CENPE: variants seen among roughly 807,000 people sequenced by gnomAD.
The protein encoded by CENPE is centromere-associated protein E.
In CENPE, 145 loss-of-function variants were observed where a neutral mutation model predicts 336.1. The observed-to-expected ratio is 0.43, with a 90% CI of 0.38 to 0.50. CENPE has a LOEUF of 0.50. Among genes scored for constraint, CENPE ranks in the 20% least tolerant of loss-of-function variants. CENPE has a pLI of 0.00. For missense variants in CENPE, 2,719 were observed against 3,023.3 expected, an observed-to-expected ratio of 0.90 and a Z score of 2.36; for synonymous variants, 1,013 against 984.8, an observed-to-expected ratio of 1.03 and a Z score of -0.54.
At position 103,132,838 on chromosome 4, in the gene CENPE, T is replaced by C. The variant is rs752063990; in HGVS notation, c.6779A>G (p.Gln2260Arg). 58 of 1,572,406 alleles carry C rather than the reference T, an allele frequency of 3.7e-5. No individual in the cohort carries two copies. The highest frequency in any genetic ancestry group is 3.3e-4 in the Middle Eastern group (2 of 5,972). The change falls in exon 42 of 49, where the codon CAA (glutamine) becomes CGA (arginine). Residue 2260 changes from glutamine (Q) to arginine (R), a missense_variant. By Grantham distance (43) the Gln-to-Arg change is conservative. Transcript: ENST00000265148. ...EFPSIKTEFQ[Q>R]VLSNRKEMTQ... ...CATTTCTTTCCTATTACTTAGTACT[T>C]GTTGAAATTCAGTCTTTATGCTAGG...
intron 16 of CENPE, among the ~76,000 whole-genome samples, chr4:103,169,449 T>C (rs569868564): frequency 7.2e-5 from 11 of 152,120 alleles, no homozygotes; most frequent in Non-Finnish European, 1.5e-4. Flanking sequence ...TCAAATTCAA[T>C]CTAAATGACC....
At chr4:103,110,419 G>A (rs1483756308) in intron 47 of CENPE, among the ~76,000 whole-genome samples, 1 of 151,998 alleles carries the variant, frequency 6.6e-6, no homozygotes, top group East Asian at 1.9e-4. Context: ...AGAGTGCTTG[G>A]GGAAAAGATT....
Position 103,195,150 on chromosome 4 carries a change from T to C in CENPE, c.441A>G (p.Gln147=), listed in dbSNP as rs766397532. The change falls in exon 5 of 49, where the codon CAA becomes CAG. Residue 147 remains glutamine, a synonymous_variant. Coordinates refer to ENST00000265148, the MANE Select transcript of CENPE (RefSeq NM_001813.3). Reference sequence around the variant, plus strand: ...CTCGAATAATTAAAGGTTTCATTTTTTGAGTGCCACAGAGTAAATCTGTAA... The same window carrying C: ...CTCGAATAATTAAAGGTTTCATTTTCTGAGTGCCACAGAGTAAATCTGTAA... ...ETITDLLCGT[Q]KMKPLIIRED... 6.3e-7 allele frequency: 1 copy of C among 1,593,706 alleles called. No homozygotes were observed. The highest frequency in any genetic ancestry group is 2.3e-5 in the East Asian group (1 of 43,934).
chr4:103,186,776 G>T (rs1332750436), intron 8 of CENPE, among the ~76,000 whole-genome samples: 3 of 152,190 alleles, frequency 2.0e-5, no homozygotes, highest in Non-Finnish European at 2.9e-5. Context: ...GTAGCTTTAG[G>T]TTCATAGGAC....
At chr4:103,193,662 CTA>C (rs1757528296) in intron 8 of CENPE, among the ~76,000 whole-genome samples, 1 of 152,044 alleles carries the variant, frequency 6.6e-6, no homozygotes, top group Non-Finnish European at 1.5e-5. Flanking sequence ...TTCAGCAAAT[CTA>C]TATTAGACAT....
At position 103,140,043 on chromosome 4, in the gene CENPE, T is replaced by C; in HGVS notation, c.5950A>G (p.Arg1984Gly). 6.2e-7 allele frequency: 1 copy of C among 1,608,784 alleles called. No homozygotes were observed. Among genetic ancestry groups the C allele is most frequent in the Middle Eastern group, 1.7e-4 (1 of 5,954 alleles). ...ELQKKELQLL[R>G]VKEDVNMSHK... ...CTCATATTGACATCTTCTTTCACTC[T>C]AAGCAGTTGAAGTTCTTTTTTCTGA... The change falls in exon 38 of 49, where the codon AGA (arginine) becomes GGA (glycine). Residue 1984 changes from arginine (R) to glycine (G), a missense_variant. Arg to Gly is a moderately radical substitution (Grantham distance 125). Coordinates refer to ENST00000265148, the MANE Select transcript of CENPE (RefSeq NM_001813.3).
At chr4:103,192,730 G>C (rs1437990472) in intron 8 of CENPE, among the ~76,000 whole-genome samples, 1 of 152,084 alleles carries the variant, frequency 6.6e-6, no homozygotes, top group Non-Finnish European at 1.5e-5. Flanking sequence ...GAAGAAAATA[G>C]TTTCGTTTTA....
chr4:103,152,939 C>G (rs1053842940), intron 25 of CENPE, 108 bp downstream of exon 25: 1 of 792,504 alleles, frequency 1.3e-6, no homozygotes, highest in African/African-American at 1.8e-5. Context: ...CCATACACTT[C>G]CACCAGATAC....
Position 103,145,533 on chromosome 4 carries a change from A to T in CENPE, c.4562T>A (p.Leu1521Ter), listed in dbSNP as rs768853172. 1 of 1,601,538 alleles carries T rather than the reference A, an allele frequency of 6.2e-7. No homozygotes were observed. The highest frequency in any genetic ancestry group is 1.1e-5 in the South Asian group (1 of 87,568). The change falls in exon 31 of 49, where the codon TTA becomes TAA. Residue 1521 changes from leucine (L) to a stop codon, truncating the protein, a stop_gained. Coordinates refer to ENST00000265148, the MANE Select transcript of CENPE (RefSeq NM_001813.3). LOFTEE classifies it high-confidence loss of function. ...QKQLEAINDK[L>*]QNKIQEIYEK... is the part of the protein sequence containing the mutation. ...TCATCCCCAATTTACCTTGTTCTGTAATTTATCATTGATTGCTTCTAACTG... is the reference window on the plus strand; with the variant it reads ...TCATCCCCAATTTACCTTGTTCTGTTATTTATCATTGATTGCTTCTAACTG...
At chr4:103,171,391 A>G (rs1755397657) in intron 16 of CENPE, among the ~76,000 whole-genome samples, 1 of 152,106 alleles carries the variant, frequency 6.6e-6, no homozygotes, top group Non-Finnish European at 1.5e-5. Flanking sequence ...TTACAAATAC[A>G]TAAAAATTAA....
chr4:103,182,351 G>C (rs995654194), intron 11 of CENPE, among the ~76,000 whole-genome samples: 1 of 152,110 alleles, frequency 6.6e-6, no homozygotes, highest in Non-Finnish European at 1.5e-5. Context: ...TAGGCTCAGA[G>C]AAAATGAAGG....
intron 46 of CENPE, among the ~76,000 whole-genome samples, chr4:103,112,682 GTAAGTATATA>G (rs1445965756): frequency 2.4e-5 from 3 of 127,546 alleles, no homozygotes; most frequent in African/African-American, 6.3e-5. Flanking sequence ...ATATATACTT[GTAAGTATATA>G]TAAGTGTATA....
rs775219100 is a variant in CENPE at position 103,136,135 on chromosome 4, T to C, written c.6522+6A>G. The C allele has an allele frequency of 1.2e-6, 2 of 1,604,314 alleles. No individual in the cohort carries two copies. Among genetic ancestry groups the C allele is most frequent in the East Asian group, 2.2e-5 (1 of 44,754 alleles). ...TTTAAAAGGATATTACTAAAAAAGATGGTACCTTCAGTTTCTTCATGATTC... is the reference window on the plus strand; with the variant it reads ...TTTAAAAGGATATTACTAAAAAAGACGGTACCTTCAGTTTCTTCATGATTC... On this transcript the variant is annotated splice_donor_region_variant and intron_variant, in intron 40 of 48. Coordinates refer to ENST00000265148, the MANE Select transcript of CENPE (RefSeq NM_001813.3).
Position 103,145,514 on chromosome 4 carries a change from C to A in CENPE, c.4572+9G>T. On this transcript the variant is annotated intron_variant, in intron 31 of 48. Coordinates refer to ENST00000265148, the MANE Select transcript of CENPE (RefSeq NM_001813.3). Reference sequence around the variant, plus strand: ...ATTTCCTCCCACTGTTTCTTCATCCCCAATTTACCTTGTTCTGTAATTTAT... The same window carrying A: ...ATTTCCTCCCACTGTTTCTTCATCCACAATTTACCTTGTTCTGTAATTTAT... The A allele has an allele frequency of 1.3e-6, 2 of 1,593,086 alleles. No homozygotes were observed. Among genetic ancestry groups the A allele is most frequent in the Non-Finnish European group, 8.5e-7 (1 of 1,171,670 alleles).
At chr4:103,173,630 T>TTTGCA (rs1212496499) in intron 16 of CENPE, among the ~76,000 whole-genome samples, 184 of 150,054 alleles carry the variant, frequency 1.2e-3, no homozygotes, top group Middle Eastern at 3.5e-3. Flanking sequence ...TTGCAAAATA[T>TTTGCA]ACATCTGACA....
intron 8 of CENPE, among the ~76,000 whole-genome samples, chr4:103,186,793 G>A (rs919365294): frequency 5.3e-5 from 8 of 152,216 alleles, no homozygotes; most frequent in South Asian, 2.1e-4. Context: ...GGACTGGATA[G>A]CAGTGGAAGG....
At chr4:103,151,551 A>T (rs1270158431) in intron 25 of CENPE, among the ~76,000 whole-genome samples, 174 bp from the exon 26 acceptor site, 5 of 152,202 alleles carry the variant, frequency 3.3e-5, no homozygotes, top group African/African-American at 7.2e-5. Flanking sequence ...GATGCCAAGA[A>T]TCTGCTTTTT....
At chr4:103,157,279 T>C (rs1171031833) in intron 24 of CENPE, among the ~76,000 whole-genome samples, 1 of 152,024 alleles carries the variant, frequency 6.6e-6, no homozygotes, top group Non-Finnish European at 1.5e-5. Flanking sequence ...TTTGAAGAGA[T>C]ATTTGTTCAC....
intron 15 of CENPE, among the ~76,000 whole-genome samples, chr4:103,175,327 A>C (rs1041121798): frequency 6.6e-6 from 1 of 152,112 alleles, no homozygotes; most frequent in Middle Eastern, 3.4e-3. Flanking sequence ...TTATAAGAGA[A>C]GAGATAAACC....
Sources: allele counts gnomAD v4.1 joint callset (sites outside exome capture counted in the v4.1 genomes callset), GRCh38; gene constraint gnomAD v4.1.1; transcripts MANE v1.5; gene names NCBI Gene and HGNC (gene_info 2026-07-23, HGNC 2026-07-21).